TRIO: variants seen among roughly 807,000 people sequenced by gnomAD.
TRIO encodes trio Rho guanine nucleotide exchange factor, also known as triple functional domain protein.
TRIO carries 58 observed loss-of-function variants against 351.9 expected under a neutral mutation model. The observed-to-expected ratio is 0.16, with a 90% CI of 0.13 to 0.21. The LOEUF (loss-of-function observed/expected upper bound fraction) is 0.21. Among genes scored for constraint, TRIO ranks in the 10% least tolerant of loss-of-function variants. The pLI is 1.00. For missense variants in TRIO, 3,201 were observed against 4,027.8 expected (o/e 0.79, Z 5.56); for synonymous variants, 1,758 against 1,595.7 (o/e 1.10, Z -2.42).
intron 1 of TRIO, among the ~76,000 whole-genome samples, chr5:14,192,457 A>G (rs1319723503): frequency 6.6e-6 from 1 of 151,992 alleles, no homozygotes; most frequent in Non-Finnish European, 1.5e-5. Context: ...AATTTTTTGT[A>G]GAGACAAGGT....
At chr5:14,389,838 G>T (rs1341679801) in intron 25 of TRIO, among the ~76,000 whole-genome samples, 1 of 152,106 alleles carries the variant, frequency 6.6e-6, no homozygotes, top group African/African-American at 2.4e-5. Context: ...GCCACAGGAG[G>T]TACATGATTC....
chr5:14,383,005 C>T (rs894709280), intron 21 of TRIO, among the ~76,000 whole-genome samples: 1 of 152,134 alleles, frequency 6.6e-6, no homozygotes, highest in Admixed American at 6.5e-5. Flanking sequence ...GGCTGGAATG[C>T]AGTGGCACCA....
intron 2 of TRIO, among the ~76,000 whole-genome samples, chr5:14,272,533 CG>C (rs2152270766): frequency 6.6e-6 from 1 of 152,282 alleles, no homozygotes; most frequent in Non-Finnish European, 1.5e-5. Flanking sequence ...GAAACAAAAT[CG>C]GCAGTCTTTC....
chr5:14,426,348 TCAAATA>T (rs1322981185), intron 34 of TRIO, among the ~76,000 whole-genome samples: 1 of 152,200 alleles, frequency 6.6e-6, no homozygotes, highest in Non-Finnish European at 1.5e-5. Context: ...TCTCATTTCA[TCAAATA>T]CAAATACAAA....
In TRIO at chr5:14,368,704, C is replaced by T. The variant is rs750962195; in HGVS notation, c.2875-4C>T. On this transcript the variant is annotated splice_region_variant and splice_polypyrimidine_tract_variant and intron_variant, in intron 16 of 56. Transcript: ENST00000344204. Reference sequence around the variant, plus strand: ...AAGCCTTCCCTTTTGTTCTCTGTCTCTAGAAAACACATCAGAGCGCGCTGC... The same window carrying T: ...AAGCCTTCCCTTTTGTTCTCTGTCTTTAGAAAACACATCAGAGCGCGCTGC... 8 of 1,610,790 alleles carry T rather than the reference C, an allele frequency of 5.0e-6. No individual in the cohort carries two copies. Among genetic ancestry groups the T allele is most frequent in the African/African-American group, 2.7e-5 (2 of 74,876 alleles).
intron 7 of TRIO, among the ~76,000 whole-genome samples, chr5:14,301,706 G>A (rs192693937): frequency 6.6e-6 from 1 of 152,274 alleles, no homozygotes; most frequent in Non-Finnish European, 1.5e-5. Flanking sequence ...CACCAAACTT[G>A]ACCTCAGGAT....
At chr5:14,390,796 G>A (rs1396202019) in intron 26 of TRIO, 105 bp from the exon 27 acceptor site, 10 of 875,320 alleles carry the variant, frequency 1.1e-5, no homozygotes, top group East Asian at 2.9e-5. Context: ...TCTTCAACTC[G>A]AGGCTTAAAT....
chr5:14,409,182 G>A (rs940332564), intron 33 of TRIO, among the ~76,000 whole-genome samples: 7 of 152,150 alleles, frequency 4.6e-5, no homozygotes, highest in Non-Finnish European at 7.3e-5. Context: ...CCTAAGGCGC[G>A]TGGCTGATTG....
At chr5:14,483,916 CCTGAACTGTGCACCCATACG>C (rs1755724151) in intron 46 of TRIO, among the ~76,000 whole-genome samples, 1 of 152,044 alleles carries the variant, frequency 6.6e-6, no homozygotes, top group African/African-American at 2.4e-5. Context: ...GCACCCATGC[CCTGAACTGTGCACCCATACG>C]CTGAACTGCA....
chr5:14,261,450 G>A (rs1057081084), intron 1 of TRIO, among the ~76,000 whole-genome samples: 1 of 152,238 alleles, frequency 6.6e-6, no homozygotes, highest in African/African-American at 2.4e-5. Flanking sequence ...GAGGCTGAGG[G>A]ACCTGAGACA....
chr5:14,390,126 T>A, intron 25 of TRIO, 105 bp from the exon 26 acceptor site: 1 of 983,086 alleles, frequency 1.0e-6, no homozygotes, highest in Non-Finnish European at 1.5e-6. Context: ...GCTACATGTT[T>A]TGTTCATTCT....
chr5:14,232,928 G>A (rs749149968), intron 1 of TRIO, among the ~76,000 whole-genome samples: 9 of 152,196 alleles, frequency 5.9e-5, no homozygotes, highest in Non-Finnish European at 1.2e-4. Context: ...GCCAGGGCAG[G>A]CCCTGTGGGA....
intron 16 of TRIO, among the ~76,000 whole-genome samples, chr5:14,367,502 T>C (rs1744707448): frequency 6.6e-6 from 1 of 152,220 alleles, no homozygotes; most frequent in Non-Finnish European, 1.5e-5. Flanking sequence ...AAAGCAGCCT[T>C]GTTCACCTTG....
At chr5:14,145,045 G>A (rs1008024395) in intron 1 of TRIO, among the ~76,000 whole-genome samples, 5 of 152,096 alleles carry the variant, frequency 3.3e-5, no homozygotes, top group Admixed American at 6.5e-5. Flanking sequence ...GAGGCGGGCG[G>A]GGGTGCTGGT....
chr5:14,502,489 G>T, intron 53 of TRIO, 90 bp from the exon 54 acceptor site: 1 of 1,349,196 alleles, frequency 7.4e-7, no homozygotes, highest in Non-Finnish European at 1.1e-6. Flanking sequence ...GCCACGCGCA[G>T]CTGCTGTGAG....
rs1490996101 is a variant in TRIO, at chr5:14,465,570, C to A, written c.5693C>A (p.Pro1898His). 1.2e-6 allele frequency: 2 copies of A among 1,614,142 alleles called. No homozygotes were observed. The highest frequency in any genetic ancestry group is 4.5e-5 in the East Asian group (2 of 44,876). ...GCCTCTTCTCGGTTATTAGTCCGCC[C>A]CACCAGCTCCGAAACACCGAGTGCA... ...DKASSRLLVR[P>H]TSSETPSAAE... Residue 1898 changes from proline to histidine, a missense_variant, in exon 37 of 57, where the codon CCC (proline) becomes CAC (histidine). Coordinates refer to ENST00000344204, the MANE Select transcript of TRIO (RefSeq NM_007118.4).
Position 14,145,461 on chromosome 5 carries a change from A to G in TRIO, c.157+1579A>G, listed in dbSNP as rs1415737549. Among the ~76,000 whole-genome samples the G allele has an allele frequency of 2.0e-5, 3 of 150,710 alleles. 1 individual carries two copies. The highest frequency in any genetic ancestry group is 2.9e-5 in the Non-Finnish European group (2 of 67,862). On this transcript the variant is annotated intron_variant, in intron 1 of 56. Transcript: ENST00000344204. ...AAGTGCCTGCAGAAAGCAAAGGTTT[A>G]GGAAAACATGAGCTCCTTCTAAAGA...
At chr5:14,420,112 A>T (rs1351253996) in intron 34 of TRIO, 91 bp downstream of exon 34, 1 of 1,535,310 alleles carries the variant, frequency 6.5e-7, no homozygotes, top group Non-Finnish European at 8.8e-7. Context: ...GTTAATGTGC[A>T]TGAGCTTCCT....
intron 6 of TRIO, among the ~76,000 whole-genome samples, chr5:14,294,237 T>G (rs923325577): frequency 1.3e-5 from 2 of 152,174 alleles, no homozygotes; most frequent in African/African-American, 4.8e-5. Flanking sequence ...TTGTTTAAGT[T>G]AATTCAGAAA....
Sources: gnomAD v4.1 joint callset for allele counts (sites outside exome capture counted in the v4.1 genomes callset) on GRCh38, gnomAD v4.1.1 for gene constraint, MANE v1.5 for transcripts, NCBI Gene and HGNC (gene_info 2026-07-23, HGNC 2026-07-21) for gene names.